Variants in TG observed in about 807,000 individuals in gnomAD.
TG encodes the protein thyroglobulin.
In TG, 270 loss-of-function variants were observed where a neutral mutation model predicts 324.7. The observed-to-expected ratio is 0.83, with a 90% CI of 0.75 to 0.92. The LOEUF is 0.92. Ranked by LOEUF, TG falls within the 40% of genes least tolerant of loss-of-function variation. TG has a pLI of 0.00. For missense variants in TG, 3,591 were observed against 3,456.4 expected (o/e 1.04, Z -0.98); for synonymous variants, 1,401 against 1,327.0 (o/e 1.06, Z -1.21).
rs113998543 is a variant in TG at position 132,870,518 on chromosome 8, G to A, written c.274+692G>A. ...TGTATGATGTGAGGATTTAGAACAC[G>A]TGTAAACACTAGGCACATAGTAGGT... On this transcript the variant is annotated intron_variant, in intron 3 of 47. Coordinates refer to ENST00000220616, the MANE Select transcript of TG (RefSeq NM_003235.5). 7.8e-3 allele frequency among the ~76,000 whole-genome samples: 1,182 copies of A among 151,410 alleles called. 18 individuals carry two copies. Among genetic ancestry groups the A allele is most frequent in the African/African-American group, 0.027 (1,124 of 41,122 alleles).
intron 5 of TG, among the ~76,000 whole-genome samples, chr8:132,876,732 G>A (rs763169298): frequency 1.3e-4 from 20 of 152,280 alleles, no homozygotes; most frequent in Admixed American, 3.3e-4. Context: ...CTTTTATATT[G>A]CCCTAGCCCA....
intron 41 of TG, among the ~76,000 whole-genome samples, chr8:133,087,257 A>G (rs1324500700): frequency 6.6e-6 from 1 of 152,200 alleles, no homozygotes; most frequent in Non-Finnish European, 1.5e-5. Flanking sequence ...TGCTTTAAAA[A>G]TTGCAGAGGG....
intron 43 of TG, among the ~76,000 whole-genome samples, chr8:133,107,615 C>G (rs1849914847): frequency 6.6e-6 from 1 of 152,142 alleles, no homozygotes; most frequent in Non-Finnish European, 1.5e-5. Flanking sequence ...GAAAATGTGC[C>G]CCTTCACATT....
intron 41 of TG, among the ~76,000 whole-genome samples, chr8:133,056,009 G>T (rs1255949662): frequency 6.6e-6 from 1 of 152,124 alleles, no homozygotes. Context: ...GGCACAGTGA[G>T]GTCCAGAGAC....
intron 41 of TG, among the ~76,000 whole-genome samples, chr8:133,062,275 C>A (rs907966922): frequency 1.1e-4 from 16 of 152,214 alleles, no homozygotes; most frequent in African/African-American, 3.9e-4. Flanking sequence ...CTGGTAGGAA[C>A]TTTCTAGCAG....
chr8:132,953,051 C>T (rs1274448042), intron 27 of TG, among the ~76,000 whole-genome samples: 2 of 152,182 alleles, frequency 1.3e-5, no homozygotes, highest in East Asian at 3.9e-4. Context: ...GAGTGTCACT[C>T]CTCAGACATC....
At chr8:132,926,041 G>C (rs1428027602) in intron 22 of TG, among the ~76,000 whole-genome samples, 3 of 152,188 alleles carry the variant, frequency 2.0e-5, no homozygotes, top group African/African-American at 7.2e-5. Context: ...TTCTGGATAT[G>C]CCTGGGGATT....
At chr8:132,967,151 A>G (rs1243281337) in intron 30 of TG, among the ~76,000 whole-genome samples, 3 of 146,852 alleles carry the variant, frequency 2.0e-5, no homozygotes, top group African/African-American at 5.1e-5. Flanking sequence ...CCATCCATCC[A>G]TCCACCCATC....
At chr8:132,969,127 G>A (rs753370157) in intron 31 of TG, among the ~76,000 whole-genome samples, 14 of 152,256 alleles carry the variant, frequency 9.2e-5, no homozygotes, top group Non-Finnish European at 1.9e-4. Flanking sequence ...AACCTTGTGG[G>A]ATTCCAGAGG....
chr8:133,100,746 C>T lies in TG; in HGVS notation c.7572+4373C>T, dbSNP rs546595843. ...ACGGTATGCTGGGTACTGAAATGTACACAAACCCAGCTAGAATAAAGGCTA... is the reference window on the plus strand; with the variant it reads ...ACGGTATGCTGGGTACTGAAATGTATACAAACCCAGCTAGAATAAAGGCTA... On this transcript the variant is annotated intron_variant, in intron 43 of 47. Coordinates refer to ENST00000220616, the MANE Select transcript of TG (RefSeq NM_003235.5). Among the ~76,000 whole-genome samples, 26 of 152,316 alleles carry T rather than the reference C, an allele frequency of 1.7e-4. 1 individual carries two copies. The highest frequency in any genetic ancestry group is 1.0e-3 in the South Asian group (5 of 4,826).
intron 38 of TG, among the ~76,000 whole-genome samples, 169 bp from the exon 39 acceptor site, chr8:133,019,433 A>G (rs1835357897): frequency 6.6e-6 from 1 of 152,166 alleles, no homozygotes. Flanking sequence ...CATTCCCTCC[A>G]TTCACTGAAG....
Position 132,967,833 on chromosome 8 carries a change from TA to T in TG, c.5728del (p.Thr1910GlnfsTer32). ...QEHSFCQLAE[I>X]TESASLYFTC... ...CACTCTTTCTGTCAGCTCGCAGAGA[TA>T]ACAGAGAGTGCATCCTTGTACTTCA... On this transcript the variant is annotated frameshift_variant, in exon 31 of 48. Coordinates refer to ENST00000220616, the MANE Select transcript of TG (RefSeq NM_003235.5). LOFTEE classifies it high-confidence loss of function. 6.2e-7 allele frequency: 1 copy of T among 1,613,988 alleles called. No individual in the cohort carries two copies. Among genetic ancestry groups the T allele is most frequent in the Non-Finnish European group, 8.5e-7 (1 of 1,179,908 alleles).
chr8:133,104,394 G>C (rs775154539), intron 43 of TG, among the ~76,000 whole-genome samples: 1 of 152,210 alleles, frequency 6.6e-6, no homozygotes, highest in Non-Finnish European at 1.5e-5. Context: ...GTGTGACCCA[G>C]GAAGTAGAGA....
intron 35 of TG, among the ~76,000 whole-genome samples, chr8:133,000,267 A>G (rs546925192): frequency 6.6e-6 from 1 of 152,296 alleles, no homozygotes; most frequent in South Asian, 2.1e-4. Flanking sequence ...ACAGGGGATG[A>G]TGACAACTGC....
Position 133,096,207 on chromosome 8 carries a change from T to C in TG, c.7406T>C (p.Leu2469Pro). ...ANVLNDAQTK[L>P]LAVSGPFHYW... ...TGATTATTGTTGCATCCAATGCAGC[T>C]CCTGGCCGTGAGTGGCCCTTTCCAC... The change falls in exon 43 of 48, where the codon CTC (leucine) becomes CCC (proline). Residue 2469 changes from leucine to proline, a missense_variant and splice_region_variant. By Grantham distance (98) the Leu-to-Pro change is moderately conservative. Coordinates refer to ENST00000220616, the MANE Select transcript of TG (RefSeq NM_003235.5). The C allele has an allele frequency of 6.2e-7, 1 of 1,614,246 alleles. No individual in the cohort carries two copies.
At chr8:132,996,993 A>C (rs1243758408) in intron 35 of TG, among the ~76,000 whole-genome samples, 1 of 152,238 alleles carries the variant, frequency 6.6e-6, no homozygotes, top group Non-Finnish European at 1.5e-5. Context: ...AGGGAAACTC[A>C]GACACTACGT....
At chr8:133,103,422 C>T (rs189204049) in intron 43 of TG, among the ~76,000 whole-genome samples, 7 of 152,162 alleles carry the variant, frequency 4.6e-5, no homozygotes, top group Non-Finnish European at 8.8e-5. Context: ...TTACACGTCA[C>T]GTTGTCTAAT....
At position 133,022,159 on chromosome 8, in the gene TG, C is replaced by T. The variant is rs1835623654; in HGVS notation, c.7036+9C>T. On this transcript the variant is annotated intron_variant, in intron 40 of 47. Coordinates refer to ENST00000220616, the MANE Select transcript of TG (RefSeq NM_003235.5). ...CGGCTTCCTGAGTTCTGGTGAGTTG[C>T]TGCCTCTGGTGGGAGCTGCTGACCC... 1.2e-6 allele frequency: 2 copies of T among 1,613,796 alleles called. No homozygotes were observed. Among genetic ancestry groups the T allele is most frequent in the African/African-American group, 2.7e-5 (2 of 74,886 alleles).
intron 45 of TG, among the ~76,000 whole-genome samples, chr8:133,123,401 TG>T (rs1851288160): frequency 6.6e-6 from 1 of 152,120 alleles, no homozygotes; most frequent in Non-Finnish European, 1.5e-5. Context: ...AGAGGGGCTC[TG>T]GCCTGCTGTC....
Sources: gnomAD v4.1 joint callset for allele counts (sites outside exome capture counted in the v4.1 genomes callset) on GRCh38, gnomAD v4.1.1 for gene constraint, MANE v1.5 for transcripts, NCBI Gene and HGNC (gene_info 2026-07-23, HGNC 2026-07-21) for gene names.